The following SLC25A21 variants were observed in gnomAD, a reference collection of about 807,000 sequenced individuals.
The protein encoded by SLC25A21 is solute carrier family 25 member 21, also known as mitochondrial 2-oxodicarboxylate carrier.
A neutral mutation model predicts 43.8 loss-of-function variants in SLC25A21; 47 were observed. That is an observed-to-expected ratio of 1.07 (90% CI 0.85 to 1.37). SLC25A21 has a LOEUF of 1.37. SLC25A21 is among the 40% of genes most tolerant of loss of function. SLC25A21 has a pLI of 0.00. For synonymous variants in SLC25A21, 131 were observed against 121.3 expected (o/e 1.08, Z -0.52); for missense variants, 352 against 350.2 (o/e 1.00, Z -0.04).
chr14:37,146,569 T>C (rs1397627578), intron 1 of SLC25A21, among the ~76,000 whole-genome samples: 3 of 152,202 alleles, frequency 2.0e-5, no homozygotes, highest in Non-Finnish European at 2.9e-5. Flanking sequence ...TTTACCTTCA[T>C]GAAGCTAATA....
At chr14:37,064,005 T>G (rs1325484933) in intron 1 of SLC25A21, among the ~76,000 whole-genome samples, 1 of 152,168 alleles carries the variant, frequency 6.6e-6, no homozygotes, top group Non-Finnish European at 1.5e-5. Context: ...AAGCATTACT[T>G]TCAGGTGTGT....
At position 36,960,734 on chromosome 14, in the gene SLC25A21, T is replaced by A. The variant is rs554601051; in HGVS notation, c.71-85730A>T. ...AGAAATGTAAAGCTGTGGCCTGTAG[T>A]TCCATGCACAGCCCTACTCAGCAGC... On this transcript the variant is annotated intron_variant, in intron 1 of 9. Transcript: ENST00000331299. Among the ~76,000 whole-genome samples the A allele has an allele frequency of 3.9e-5, 6 of 152,240 alleles. No individual in the cohort carries two copies. The East Asian group carries it at 1.2e-3, about 29-fold the overall frequency.
intron 2 of SLC25A21, among the ~76,000 whole-genome samples, chr14:36,851,217 T>C (rs1335266299): frequency 3.9e-5 from 6 of 152,322 alleles, no homozygotes; most frequent in Middle Eastern, 6.8e-3. Flanking sequence ...ACATGATTTG[T>C]TGGGGCCCAA....
rs1594559517 is a variant in SLC25A21 at position 36,758,396 on chromosome 14, C to T, written c.204-23823G>A. ...CCTGAGTGTTTGGCCACAGAAGACTCCCTCTGGGCCCAGGGCATGACCCAG... is the reference window on the plus strand; with the variant it reads ...CCTGAGTGTTTGGCCACAGAAGACTTCCTCTGGGCCCAGGGCATGACCCAG... On this transcript the variant is annotated intron_variant, in intron 3 of 9. Transcript: ENST00000331299. Among the ~76,000 whole-genome samples the T allele has an allele frequency of 2.0e-5, 3 of 152,072 alleles. No homozygotes were observed. The South Asian group carries it at 6.2e-4, about 31-fold the overall frequency.
intron 1 of SLC25A21, among the ~76,000 whole-genome samples, chr14:36,945,978 A>C (rs1388493918): frequency 1.3e-5 from 2 of 152,210 alleles, no homozygotes; most frequent in African/African-American, 2.4e-5. Context: ...GAATATATAA[A>C]CATAAGCAAG....
chr14:37,051,942 A>G (rs1414700395), intron 1 of SLC25A21, among the ~76,000 whole-genome samples: 1 of 152,198 alleles, frequency 6.6e-6, no homozygotes, highest in Admixed American at 6.5e-5. Flanking sequence ...GCGGGCACAC[A>G]AAGCAGCCTG....
intron 1 of SLC25A21, among the ~76,000 whole-genome samples, chr14:37,123,338 T>C (rs927818431): frequency 2.0e-5 from 3 of 152,170 alleles, no homozygotes; most frequent in Non-Finnish European, 4.4e-5. Context: ...AACAAGCACC[T>C]ATAACTGACA....
At chr14:36,972,212 G>T (rs1959767369) in intron 1 of SLC25A21, among the ~76,000 whole-genome samples, 1 of 152,178 alleles carries the variant, frequency 6.6e-6, no homozygotes, top group South Asian at 2.1e-4. Context: ...ATAGCATATA[G>T]TCTAGGTGTG....
intron 1 of SLC25A21, among the ~76,000 whole-genome samples, chr14:37,049,521 G>A (rs1961660639): frequency 6.6e-6 from 1 of 152,074 alleles, no homozygotes; most frequent in Admixed American, 6.5e-5. Flanking sequence ...GCAGTGAGCT[G>A]TGATCACACC....
chr14:37,003,754 G>C (rs1341506066), intron 1 of SLC25A21, among the ~76,000 whole-genome samples: 1 of 152,206 alleles, frequency 6.6e-6, no homozygotes, highest in African/African-American at 2.4e-5. Flanking sequence ...CTTCTTAAAT[G>C]AAGTTACATG....
chr14:36,707,566 T>C (rs1010049601), intron 7 of SLC25A21, among the ~76,000 whole-genome samples: 2 of 152,170 alleles, frequency 1.3e-5, no homozygotes, highest in Non-Finnish European at 2.9e-5. Context: ...CAATCTAGTA[T>C]ATATTTACTA....
chr14:36,988,409 T>C (rs929840760), intron 1 of SLC25A21, among the ~76,000 whole-genome samples: 7 of 152,190 alleles, frequency 4.6e-5, no homozygotes, highest in African/African-American at 9.7e-5. Flanking sequence ...AGTTGAGATA[T>C]TAAACGCTTG....
chr14:36,685,768 G>T (rs1012861998), intron 7 of SLC25A21, among the ~76,000 whole-genome samples: 60 of 152,256 alleles, frequency 3.9e-4, no homozygotes, highest in African/African-American at 1.3e-3. Flanking sequence ...TCTTATGTGG[G>T]AGTCACTTTC....
chr14:37,045,944 A>C (rs139364736), intron 1 of SLC25A21, among the ~76,000 whole-genome samples: 1 of 152,242 alleles, frequency 6.6e-6, no homozygotes, highest in Non-Finnish European at 1.5e-5. Context: ...GTTTCAATAC[A>C]TAAAAACAAG....
chr14:36,901,104 G>C (rs1373204535), intron 1 of SLC25A21, among the ~76,000 whole-genome samples: 1 of 152,154 alleles, frequency 6.6e-6, no homozygotes, highest in Non-Finnish European at 1.5e-5. Context: ...ACCCAAAGGA[G>C]AATTTAGGAG....
At chr14:36,777,383 C>A (rs778550706) in intron 3 of SLC25A21, among the ~76,000 whole-genome samples, 3 of 152,092 alleles carry the variant, frequency 2.0e-5, no homozygotes, top group Non-Finnish European at 4.4e-5. Flanking sequence ...GGATAGTGGC[C>A]CTAAAAAGAT....
At chr14:37,003,727 A>T (rs950206087) in intron 1 of SLC25A21, among the ~76,000 whole-genome samples, 2 of 152,216 alleles carry the variant, frequency 1.3e-5, no homozygotes, top group African/African-American at 4.8e-5. Flanking sequence ...CTGACGTTAG[A>T]ACAGTGGTTT....
intron 7 of SLC25A21, among the ~76,000 whole-genome samples, chr14:36,688,623 A>G (rs1463896207): frequency 6.6e-6 from 1 of 152,150 alleles, no homozygotes; most frequent in Non-Finnish European, 1.5e-5. Flanking sequence ...AGAACCCTAC[A>G]TTTCCAGCCT....
chr14:37,088,944 C>T (rs891091460), intron 1 of SLC25A21, among the ~76,000 whole-genome samples: 1 of 152,122 alleles, frequency 6.6e-6, no homozygotes, highest in African/African-American at 2.4e-5. Context: ...TATACAAATT[C>T]CTTCACAATT....
Sources: allele counts gnomAD v4.1 joint callset (sites outside exome capture counted in the v4.1 genomes callset), GRCh38; gene constraint gnomAD v4.1.1; transcripts MANE v1.5; gene names NCBI Gene and HGNC (gene_info 2026-07-23, HGNC 2026-07-21).